RPGRIP1: variants seen among roughly 807,000 people sequenced by gnomAD.
RPGRIP1 encodes the protein RPGR interacting protein 1.
A neutral mutation model predicts 157.9 loss-of-function variants in RPGRIP1; 128 were observed. That is an observed-to-expected ratio of 0.81 (90% CI 0.70 to 0.94). RPGRIP1 has a LOEUF of 0.94. Ranked by LOEUF, RPGRIP1 falls within the 40% of genes least tolerant of loss-of-function variation. RPGRIP1 has a pLI of 0.00. For synonymous variants in RPGRIP1, 554 were observed against 571.6 expected, an observed-to-expected ratio of 0.97 and a Z score of 0.44; for missense variants, 1,486 against 1,545.8, an observed-to-expected ratio of 0.96 and a Z score of 0.65.
At chr14:21,280,838 A>G (rs536652506) in intron 1 of RPGRIP1, among the ~76,000 whole-genome samples, 1 of 152,182 alleles carries the variant, frequency 6.6e-6, no homozygotes, top group Admixed American at 6.6e-5. Flanking sequence ...ATGCTCTTCC[A>G]TAGCTCTAAT....
chr14:21,330,580 T>C (rs905538693), intron 20 of RPGRIP1, among the ~76,000 whole-genome samples, 193 bp downstream of exon 20: 2 of 151,874 alleles, frequency 1.3e-5, no homozygotes, highest in South Asian at 2.1e-4. Context: ...GCAGGAGAAT[T>C]GCTTGAACCC....
chr14:21,290,424 A>G (rs1299293725), intron 2 of RPGRIP1, among the ~76,000 whole-genome samples: 1 of 152,202 alleles, frequency 6.6e-6, no homozygotes, highest in Non-Finnish European at 1.5e-5. Flanking sequence ...CTGTAATCCC[A>G]TCACCTTGGG....
At chr14:21,329,299 A>T (rs1022861525) in intron 19 of RPGRIP1, among the ~76,000 whole-genome samples, 1 of 151,688 alleles carries the variant, frequency 6.6e-6, no homozygotes, top group Non-Finnish European at 1.5e-5. Flanking sequence ...AGCCTGGGCG[A>T]CAGAGCAAGA....
chr14:21,328,332 T>TAGCATTTCTCAGCTCCATGAG, intron 18 of RPGRIP1, 92 bp from the exon 19 acceptor site: 1 of 883,492 alleles, frequency 1.1e-6, no homozygotes, highest in Non-Finnish European at 1.8e-6. Context: ...AGGAGAGAAA[T>TAGCATTTCTCAGCTCCATGAG]GAAGTCTAAC....
At chr14:21,295,262 C>A (rs1880719842) in intron 3 of RPGRIP1, among the ~76,000 whole-genome samples, 1 of 151,942 alleles carries the variant, frequency 6.6e-6, no homozygotes, top group South Asian at 2.1e-4. Flanking sequence ...TTTCAGTCCA[C>A]AGAATAAGAG....
At chr14:21,318,042 C>G (rs1171903279) in intron 11 of RPGRIP1, 192 bp downstream of exon 11, 2 of 699,728 alleles carry the variant, frequency 2.9e-6, no homozygotes, top group African/African-American at 3.5e-5. Flanking sequence ...TTACCTACCT[C>G]TCATGTATAC....
rs1594213253 is a variant in RPGRIP1, at chr14:21,325,010, A to G, written c.2155A>G (p.Ile719Val). ...ACACAGCACTCTTGCTGCAGGATGG[A>G]TTTGCTTTGACAGGGTGCTAGAGAC... ...SEHSTLAAGW[I>V]CFDRVLETVE... Residue 719 changes from isoleucine to valine, a missense_variant, in exon 15 of 25, where the codon ATT becomes GTT. By Grantham distance (29) the Ile-to-Val change is conservative. Transcript: ENST00000400017. 2 of 1,613,976 alleles carry G rather than the reference A, an allele frequency of 1.2e-6. No homozygotes were observed. The highest frequency in any genetic ancestry group is 1.7e-5 in the Admixed American group (1 of 60,018).
At chr14:21,337,056 A>G (rs1348959640) in intron 21 of RPGRIP1, among the ~76,000 whole-genome samples, 7 of 152,190 alleles carry the variant, frequency 4.6e-5, no homozygotes, top group Non-Finnish European at 1.0e-4. Flanking sequence ...TCCAGGCATG[A>G]AAGGTAGAGG....
Position 21,351,245 on chromosome 14 carries a change from T to G in RPGRIP1, c.*29T>G. 8.8e-6 allele frequency: 12 copies of G among 1,369,160 alleles called. No homozygotes were observed. The highest frequency in any genetic ancestry group is 1.2e-5 in the Non-Finnish European group (12 of 969,722). 84.8% of individuals were successfully genotyped at this position (1,369,160 alleles called of 1,614,324 possible). ...AACAAGTGCTATTCCAATCTAAAAG[T>G]CTCTGAGGGAACCATAGTAAAAAGT... On this transcript the variant is annotated 3_prime_UTR_variant, in exon 25 of 25. Coordinates refer to ENST00000400017, the MANE Select transcript of RPGRIP1 (RefSeq NM_020366.4).
rs67535379 is a variant in RPGRIP1 at position 21,343,866 on chromosome 14, G to GTTTTTTTTTTTTTTTTTTTTTTTTTT, written c.3532+654_3532+679dup. ...TGATTTTTGTTCTTCCTCTTTTCCT[G>GTTTTTTTTTTTTTTTTTTTTTTTTTT]TTTTTTTTTTTTTTTTTTTTTTTTT... On this transcript the variant is annotated intron_variant, in intron 22 of 24. Transcript: ENST00000400017. Among the ~76,000 whole-genome samples, 2 of 50,440 alleles carry GTTTTTTTTTTTTTTTTTTTTTTTTTT rather than the reference G, an allele frequency of 4.0e-5. 1 individual carries two copies. Among genetic ancestry groups the GTTTTTTTTTTTTTTTTTTTTTTTTTT allele is most frequent in the Non-Finnish European group, 7.2e-5 (2 of 27,770 alleles). 33.1% of individuals were successfully genotyped at this position (50,440 alleles called of 152,430 possible).
intron 3 of RPGRIP1, 99 bp downstream of exon 3, chr14:21,294,908 G>GCC: frequency 9.5e-7 from 1 of 1,053,574 alleles, no homozygotes; most frequent in Non-Finnish European, 1.2e-6. Flanking sequence ...GCAGTGGCAT[G>GCC]ATCTTGGCTC....
At chr14:21,315,976 T>G (rs866389277) in intron 10 of RPGRIP1, among the ~76,000 whole-genome samples, 4 of 64,016 alleles carry the variant, frequency 6.2e-5, no homozygotes, top group South Asian at 5.1e-4. Flanking sequence ...TTTTTGTGGT[T>G]TTTTTTTTTT....
At chr14:21,296,165 G>A (rs937900062) in intron 3 of RPGRIP1, among the ~76,000 whole-genome samples, 8 of 149,576 alleles carry the variant, frequency 5.3e-5, no homozygotes, top group Non-Finnish European at 1.0e-4. Context: ...GCAGTGGTGC[G>A]ATCTCGGCTC....
At chr14:21,314,713 C>CG (rs1881695834) in intron 10 of RPGRIP1, among the ~76,000 whole-genome samples, 1 of 89,396 alleles carries the variant, frequency 1.1e-5, no homozygotes, top group Admixed American at 1.2e-4. Flanking sequence ...AACTCTGTCT[C>CG]GAAAAAAAAA....
intron 14 of RPGRIP1, chr14:21,324,291 C>T: frequency 2.6e-6 from 1 of 378,928 alleles, no homozygotes; most frequent in Non-Finnish European, 5.0e-6. Context: ...ATGGAATTAC[C>T]AGTTAATCAT....
Position 21,348,159 on chromosome 14 carries a change from A to G in RPGRIP1, c.3618-13A>G, listed in dbSNP as rs1459804467. 6 of 1,558,964 alleles carry G rather than the reference A, an allele frequency of 3.8e-6. No individual in the cohort carries two copies. In the South Asian group the frequency reaches 7.4e-5, roughly 19 times the overall value. Reference sequence around the variant, plus strand: ...GTATCAACAGTGCTGAATTAAATGCAATTTCTTTTTAGTTTAAAGTTTACA... The same window carrying G: ...GTATCAACAGTGCTGAATTAAATGCGATTTCTTTTTAGTTTAAAGTTTACA... On this transcript the variant is annotated splice_polypyrimidine_tract_variant and intron_variant, in intron 23 of 24. Transcript: ENST00000400017.
At chr14:21,320,982 G>A (rs1446686147) in intron 12 of RPGRIP1, among the ~76,000 whole-genome samples, 1 of 152,130 alleles carries the variant, frequency 6.6e-6, no homozygotes, top group African/African-American at 2.4e-5. Flanking sequence ...ACTCTTTGCA[G>A]CTCATAAAAT....
intron 19 of RPGRIP1, 40 bp downstream of exon 19, chr14:21,328,667 G>T: frequency 7.3e-7 from 1 of 1,368,384 alleles, no homozygotes; most frequent in African/African-American, 1.4e-5. Flanking sequence ...ATTGTGGGTT[G>T]TAGTGTCCCC....
At chr14:21,288,390 AG>A (rs1266408080) in intron 2 of RPGRIP1, among the ~76,000 whole-genome samples, 1 of 151,970 alleles carries the variant, frequency 6.6e-6, no homozygotes, top group African/African-American at 2.4e-5. Flanking sequence ...CATGATGGCC[AG>A]GCTGGTCTCA....
Sources: allele counts gnomAD v4.1 joint callset (sites outside exome capture counted in the v4.1 genomes callset), GRCh38; gene constraint gnomAD v4.1.1; transcripts MANE v1.5; gene names NCBI Gene and HGNC (gene_info 2026-07-23, HGNC 2026-07-21).